Variants in HDAC9 observed in about 807,000 individuals in gnomAD.
HDAC9 encodes the protein histone deacetylase 9, also known as MEF-2 interacting transcription repressor (MITR) protein.
In HDAC9, 41 loss-of-function variants were observed where a neutral mutation model predicts 139.4. The observed-to-expected ratio is 0.29, with a 90% CI of 0.23 to 0.38. The LOEUF (loss-of-function observed/expected upper bound fraction) is 0.38, where lower values mean the gene tolerates loss of function less well. HDAC9 is among the 10% of genes least tolerant of loss of function. The probability of loss-of-function intolerance (pLI) is 1.00; values close to 1 mark genes in which losing one functional copy is unlikely to be tolerated. For synonymous variants in HDAC9, 517 were observed against 476.2 expected, an observed-to-expected ratio of 1.09 and a Z score of -1.12; for missense variants, 1,147 against 1,297.0, an observed-to-expected ratio of 0.88 and a Z score of 1.78.
chr7:18,918,294 T>A (rs1040828111), intron 22 of HDAC9, among the ~76,000 whole-genome samples: 3 of 151,372 alleles, frequency 2.0e-5, no homozygotes, highest in Non-Finnish European at 4.4e-5. Flanking sequence ...TACCCATGTT[T>A]CTCAGGTGGA....
chr7:18,113,716 A>T (rs1372246915), intron 1 of HDAC9, among the ~76,000 whole-genome samples: 2 of 152,320 alleles, frequency 1.3e-5, no homozygotes, highest in East Asian at 3.9e-4. Flanking sequence ...TTTTGCTTAC[A>T]CTGTCTTAGT....
chr7:18,648,638 C>T lies in HDAC9; in HGVS notation c.1422C>T (p.Phe474=), dbSNP rs776556288. The stretch of plus-strand genomic sequence containing the variant: ...TCATTCAACAGCAACACCAGCAATT[C>T]TTGGAGAAGCAGAAGCAATACCAGC... ...QLVIQQQHQQ[F]LEKQKQYQQQ... is the part of the protein sequence containing the mutation. Residue 474 remains phenylalanine (F), a synonymous_variant, in exon 11 of 26, where the codon TTC becomes TTT. Transcript: ENST00000686413. The T allele has an allele frequency of 6.2e-7, 1 of 1,613,326 alleles. No homozygotes were observed. The highest frequency in any genetic ancestry group is 1.1e-5 in the South Asian group (1 of 91,070).
intron 2 of HDAC9, among the ~76,000 whole-genome samples, chr7:18,233,770 T>G (rs1474265206): frequency 1.3e-5 from 2 of 152,220 alleles, no homozygotes; most frequent in East Asian, 3.8e-4. Flanking sequence ...ATACCTGTCC[T>G]GACTTGTTGC....
chr7:18,545,603 T>C (rs939477554), intron 2 of HDAC9, among the ~76,000 whole-genome samples: 5 of 152,200 alleles, frequency 3.3e-5, no homozygotes, highest in African/African-American at 1.2e-4. Context: ...TTAAGTTCCT[T>C]GGGAATAGGC....
At chr7:18,674,170 C>T (rs1795826857) in intron 12 of HDAC9, among the ~76,000 whole-genome samples, 1 of 151,940 alleles carries the variant, frequency 6.6e-6, no homozygotes, top group African/African-American at 2.4e-5. Flanking sequence ...TTTACTTCAC[C>T]TTCAGCTTTG....
At chr7:18,639,061 G>T (rs928242727) in intron 8 of HDAC9, among the ~76,000 whole-genome samples, 6 of 151,990 alleles carry the variant, frequency 3.9e-5, no homozygotes, top group African/African-American at 1.4e-4. Context: ...AACATTAGTG[G>T]CTGTCTCTGC....
chr7:18,566,051 G>A (rs3807922), intron 2 of HDAC9, among the ~76,000 whole-genome samples: 4,307 of 152,146 alleles, frequency 0.028, 134 homozygotes, highest in African/African-American at 0.083. Context: ...TGAGGAAAAT[G>A]TCTATTCTTG....
intron 2 of HDAC9, among the ~76,000 whole-genome samples, chr7:18,241,012 C>T (rs548478479): frequency 9.7e-4 from 147 of 152,184 alleles, no homozygotes; most frequent in African/African-American, 3.3e-3. Context: ...GAGTCCAGAC[C>T]GTGAGATCTT....
chr7:18,225,399 T>C lies in HDAC9; in HGVS notation c.25+63050T>C, dbSNP rs112598392. ...TATTGCACATTTTGTTCCTGTCCTG[T>C]ACAACTGAGATTTTCATTTATAATT... On this transcript the variant is annotated intron_variant, in intron 2 of 12. Transcript: ENST00000417496. 7.1e-3 allele frequency among the ~76,000 whole-genome samples: 1,075 copies of C among 152,314 alleles called. 12 individuals carry two copies. The highest frequency in any genetic ancestry group is 0.024 in the African/African-American group (1,015 of 41,566).
At chr7:18,303,401 G>GTA in intron 1 of HDAC9, among the ~76,000 whole-genome samples, 1 of 141,072 alleles carries the variant, frequency 7.1e-6, no homozygotes, top group South Asian at 2.2e-4. Context: ...GTGTGTGTGT[G>GTA]TGTGTGTGTG....
chr7:18,797,318 A>G lies in HDAC9; in HGVS notation c.2322+3866A>G, dbSNP rs193274038. 1.5e-3 allele frequency among the ~76,000 whole-genome samples: 236 copies of G among 152,314 alleles called. 2 individuals are homozygous for G. Among genetic ancestry groups the G allele is most frequent in the African/African-American group, 5.5e-3 (228 of 41,570 alleles). On this transcript the variant is annotated intron_variant, in intron 17 of 25. Transcript: ENST00000686413. The stretch of plus-strand genomic sequence containing the variant: ...GGGGCTAAAACTATCTATTTTAAGT[A>G]AGCAAAATTTTATCTTTTTTATTAT...
intron 21 of HDAC9, among the ~76,000 whole-genome samples, chr7:18,868,499 T>C (rs949433015): frequency 6.6e-6 from 1 of 152,200 alleles, no homozygotes; most frequent in African/African-American, 2.4e-5. Context: ...ACTGACACTT[T>C]TTTAATTTCT....
chr7:18,907,253 G>A (rs534566750), intron 22 of HDAC9, among the ~76,000 whole-genome samples: 3 of 152,206 alleles, frequency 2.0e-5, no homozygotes, highest in African/African-American at 7.2e-5. Context: ...AGAGAAGGGA[G>A]AGTCTCACAT....
chr7:18,672,221 C>T (rs747371526), intron 12 of HDAC9, among the ~76,000 whole-genome samples: 16 of 151,936 alleles, frequency 1.1e-4, no homozygotes, highest in Non-Finnish European at 1.9e-4. Flanking sequence ...TTGTTATTTC[C>T]CCTGCCTTAT....
chr7:18,313,177 G>T (rs1365390072), intron 1 of HDAC9, among the ~76,000 whole-genome samples: 1 of 152,008 alleles, frequency 6.6e-6, no homozygotes, highest in Non-Finnish European at 1.5e-5. Flanking sequence ...GAATATTTTA[G>T]CTGATTTCAG....
chr7:18,207,240 T>C (rs528672819), intron 2 of HDAC9, among the ~76,000 whole-genome samples: 30 of 152,176 alleles, frequency 2.0e-4, no homozygotes, highest in African/African-American at 7.2e-4. Context: ...CAACTGGCCC[T>C]GATTTGAAAT....
rs565544729 is a variant in HDAC9 at position 18,121,027 on chromosome 7, C to T, written c.-97+33814C>T. Among the ~76,000 whole-genome samples, 23 of 152,186 alleles carry T rather than the reference C, an allele frequency of 1.5e-4. No homozygotes were observed. In the South Asian group the frequency reaches 4.1e-3, roughly 27 times the overall value. On this transcript the variant is annotated intron_variant, in intron 1 of 12. Transcript: ENST00000417496. ...AAATTGCATTTTAGAGAAAGAAGTG[C>T]GGAGAACCCCATGAGAAAACTGTGT...
At chr7:18,831,535 G>C (rs1428244341) in intron 19 of HDAC9, among the ~76,000 whole-genome samples, 6 of 152,130 alleles carry the variant, frequency 3.9e-5, no homozygotes, top group Non-Finnish European at 1.5e-5. Context: ...TAGACGAGAA[G>C]TTTTTGTTTC....
intron 13 of HDAC9, among the ~76,000 whole-genome samples, chr7:18,743,271 T>C (rs749075460): frequency 6.6e-6 from 1 of 152,184 alleles, no homozygotes; most frequent in Non-Finnish European, 1.5e-5. Flanking sequence ...TAGTGTTAGT[T>C]GGAAGGCTTA....
Sources: allele counts gnomAD v4.1 joint callset (sites outside exome capture counted in the v4.1 genomes callset), GRCh38; gene constraint gnomAD v4.1.1; transcripts MANE v1.5; gene names NCBI Gene and HGNC (gene_info 2026-07-23, HGNC 2026-07-21).